The following PSAP variants were observed in gnomAD, a reference collection of about 807,000 sequenced individuals.
The protein encoded by PSAP is prosaposin, also known as precursor of saposins.
A neutral mutation model predicts 66.0 loss-of-function variants in PSAP; 25 were observed. The ratio of observed to expected loss-of-function variants is 0.38; its 90% CI spans 0.28 to 0.53. The LOEUF is 0.53. Ranked by LOEUF, PSAP falls within the 20% of genes least tolerant of loss-of-function variation. The pLI is 0.83. For synonymous variants in PSAP, 273 were observed against 258.9 expected, an observed-to-expected ratio of 1.05 and a Z score of -0.52; for missense variants, 649 against 668.8, an observed-to-expected ratio of 0.97 and a Z score of 0.33.
chr10:71,841,307 G>T (rs979840319), intron 1 of PSAP, among the ~76,000 whole-genome samples: 5 of 152,226 alleles, frequency 3.3e-5, no homozygotes, highest in African/African-American at 1.2e-4. Context: ...AAGGTTTCAT[G>T]CAAACCTCAT....
chr10:71,843,649 CGTCGAT>C (rs1160567549), intron 1 of PSAP, among the ~76,000 whole-genome samples: 3 of 152,114 alleles, frequency 2.0e-5, no homozygotes, highest in African/African-American at 7.2e-5. Flanking sequence ...GTTTATTAGA[CGTCGAT>C]GTCCATCAAT....
intron 10 of PSAP, 36 bp from the exon 11 acceptor site, chr10:71,819,658 G>A (rs1309924158): frequency 6.2e-6 from 10 of 1,614,004 alleles, no homozygotes; most frequent in East Asian, 2.2e-5. Flanking sequence ...CGCTGGCAGG[G>A]CCCTCCCAGA....
intron 8 of PSAP, 107 bp downstream of exon 8, chr10:71,821,769 G>C: frequency 6.7e-7 from 1 of 1,482,468 alleles, no homozygotes; most frequent in South Asian, 1.2e-5. Flanking sequence ...TTAGGAGCCA[G>C]GCAGGGAACC....
chr10:71,822,693 G>A (rs1407608962), intron 7 of PSAP: 1 of 468,918 alleles, frequency 2.1e-6, no homozygotes, highest in Non-Finnish European at 4.4e-6. Context: ...AGTGAGACAA[G>A]TGTATAGACT....
intron 2 of PSAP, among the ~76,000 whole-genome samples, chr10:71,833,659 G>A (rs1842564640): frequency 6.6e-6 from 1 of 152,220 alleles, no homozygotes; most frequent in Non-Finnish European, 1.5e-5. Context: ...AGTGAGCCCA[G>A]GGCAGCAGCT....
At chr10:71,834,612 T>C (rs1842587088) in intron 1 of PSAP, 107 bp from the exon 2 acceptor site, 1 of 1,418,824 alleles carries the variant, frequency 7.0e-7, no homozygotes, top group Admixed American at 2.0e-5. Context: ...TGGACTCTGC[T>C]ACTCAGCCCC....
At chr10:71,826,042 G>A in intron 6 of PSAP, 149 bp from the exon 7 acceptor site, 1 of 706,498 alleles carries the variant, frequency 1.4e-6, no homozygotes, top group Non-Finnish European at 2.5e-6. Context: ...TCTGCTCTGG[G>A]CCAGCTTTAA....
At chr10:71,841,716 C>A (rs1451199102) in intron 1 of PSAP, among the ~76,000 whole-genome samples, 1 of 151,978 alleles carries the variant, frequency 6.6e-6, no homozygotes, top group Admixed American at 6.6e-5. Context: ...ACTAAAAATA[C>A]AAAAAATGGC....
At chr10:71,825,812 A>G (rs750039676) in intron 7 of PSAP, 25 bp downstream of exon 7, 9 of 1,600,008 alleles carry the variant, frequency 5.6e-6, no homozygotes, top group Admixed American at 3.3e-5. Flanking sequence ...GAAAAATGCT[A>G]ACAAGGGGCC....
Position 71,819,868 on chromosome 10 carries a change from G to A in PSAP, c.1038C>T (p.Cys346=). The change falls in exon 10 of 14, where the codon TGC becomes TGT. Residue 346 remains cysteine (C), a synonymous_variant. Coordinates refer to ENST00000394936, the MANE Select transcript of PSAP (RefSeq NM_002778.4). ...KEILDAFDKM[C]SKLPKSLSEE... is the part of the protein sequence containing the mutation. ...CCGACAGGGACTTCGGCAGCTTCGA[G>A]CACATTTTGTCAAAAGCGTCGAGTA... The A allele has an allele frequency of 6.2e-7, 1 of 1,614,180 alleles. No homozygotes were observed. Among genetic ancestry groups the A allele is most frequent in the Non-Finnish European group, 8.5e-7 (1 of 1,180,030 alleles).
intron 7 of PSAP, chr10:71,824,011 A>C: frequency 1.3e-6 from 1 of 752,826 alleles, no homozygotes; most frequent in Non-Finnish European, 2.0e-6. Flanking sequence ...AGGATGTCCC[A>C]AGAGGTTCAG....
At position 71,820,011 on chromosome 10, in the gene PSAP, C is replaced by T. The variant is rs559942041; in HGVS notation, c.1006-111G>A. Reference sequence around the variant, plus strand: ...AATGAGTCAATGGTGGGTGCCGTTTCCACCCACAAAAAACTACCAAACTAC... The same window carrying T: ...AATGAGTCAATGGTGGGTGCCGTTTTCACCCACAAAAAACTACCAAACTAC... On this transcript the variant is annotated intron_variant, in intron 9 of 13. Coordinates refer to ENST00000394936, the MANE Select transcript of PSAP (RefSeq NM_002778.4). The T allele has an allele frequency of 6.0e-4, 635 of 1,064,356 alleles. 1 individual carries two copies. The highest frequency in any genetic ancestry group is 1.4e-3 in the Middle Eastern group (5 of 3,668). The allele number at this position is 1,064,356 out of a possible 1,614,324, so 65.9% of individuals were successfully genotyped here.
chr10:71,830,340 T>C (rs1842487750), intron 4 of PSAP, among the ~76,000 whole-genome samples: 1 of 152,234 alleles, frequency 6.6e-6, no homozygotes. Flanking sequence ...AATCTGCATC[T>C]GCCATTTCCA....
chr10:71,821,030 T>C (rs545405674), intron 8 of PSAP, among the ~76,000 whole-genome samples: 414 of 152,340 alleles, frequency 2.7e-3, no homozygotes, highest in Non-Finnish European at 4.2e-3. Flanking sequence ...GAGCTATAAC[T>C]CTTCACTTTC....
At chr10:71,828,780 C>A in intron 5 of PSAP, 97 bp downstream of exon 5, 1 of 1,361,574 alleles carries the variant, frequency 7.3e-7, no homozygotes, top group East Asian at 2.4e-5. Context: ...AGGGATAAGC[C>A]CCAGTTTAAG....
chr10:71,831,047 T>G, intron 4 of PSAP, 79 bp downstream of exon 4: 1 of 1,591,458 alleles, frequency 6.3e-7, no homozygotes, highest in Non-Finnish European at 8.6e-7. Context: ...CTTTCCATTT[T>G]AATCAATCTA....
chr10:71,845,687 G>A (rs900342846), intron 1 of PSAP, among the ~76,000 whole-genome samples: 4 of 152,092 alleles, frequency 2.6e-5, no homozygotes, highest in African/African-American at 9.7e-5. Context: ...ATTTACGAAT[G>A]GGGAAACCGA....
At chr10:71,826,164 T>C (rs1436630329) in intron 6 of PSAP, among the ~76,000 whole-genome samples, 1 of 152,242 alleles carries the variant, frequency 6.6e-6, no homozygotes, top group Non-Finnish European at 1.5e-5. Flanking sequence ...CTGTCTCCTT[T>C]ATCTTATAAC....
chr10:71,848,061 C>T (rs1842853946), intron 1 of PSAP, among the ~76,000 whole-genome samples: 1 of 152,212 alleles, frequency 6.6e-6, no homozygotes, highest in Non-Finnish European at 1.5e-5. Flanking sequence ...GATGAACACG[C>T]TCCTTTTTCC....
Sources: gnomAD v4.1 joint callset for allele counts (sites outside exome capture counted in the v4.1 genomes callset) on GRCh38, gnomAD v4.1.1 for gene constraint, MANE v1.5 for transcripts, NCBI Gene and HGNC (gene_info 2026-07-23, HGNC 2026-07-21) for gene names.